Variants in RIMS1 observed in about 807,000 individuals in gnomAD.
The protein encoded by RIMS1 is regulating synaptic membrane exocytosis protein 1.
Under a neutral mutation model 214.1 loss-of-function variants are expected in RIMS1, and 83 were observed. The observed-to-expected ratio is 0.39, with a 90% CI of 0.32 to 0.47. The LOEUF (loss-of-function observed/expected upper bound fraction) is 0.47, where lower values mean the gene tolerates loss of function less well. Among genes scored for constraint, RIMS1 ranks in the 20% least tolerant of loss-of-function variants. RIMS1 has a pLI of 0.99. For synonymous variants in RIMS1, 793 were observed against 786.8 expected (o/e 1.01, Z -0.13); for missense variants, 2,050 against 2,161.8 (o/e 0.95, Z 1.03).
chr6:72,065,867 C>T lies in RIMS1; in HGVS notation c.246-31082C>T, dbSNP rs182903429. 9.6e-3 allele frequency among the ~76,000 whole-genome samples: 1,429 copies of T among 149,568 alleles called. 65 individuals are homozygous for T. The highest frequency in any genetic ancestry group is 0.081 in the Admixed American group (1,217 of 14,992). On this transcript the variant is annotated intron_variant, in intron 2 of 33. Transcript: ENST00000521978. Reference sequence around the variant, plus strand: ...ATATTTATAAAAGTTGAGAAATAATCGCTTGCAGAATAGAAATCATAAATA... The same window carrying T: ...ATATTTATAAAAGTTGAGAAATAATTGCTTGCAGAATAGAAATCATAAATA...
At chr6:72,189,701 G>T (rs1161473899) in intron 6 of RIMS1, among the ~76,000 whole-genome samples, 1 of 152,192 alleles carries the variant, frequency 6.6e-6, no homozygotes, top group African/African-American at 2.4e-5. Context: ...GTCAGCCTTG[G>T]TGAGTGGAAG....
chr6:72,195,146 A>G lies in RIMS1; in HGVS notation c.1678+11997A>G, dbSNP rs753268892. On this transcript the variant is annotated intron_variant, in intron 6 of 33. Transcript: ENST00000521978. ...GCCACTTATACTTAAGGAACTTAAT[A>G]TATAAATCCTAAGGCAGGGAGTTGG... 3.9e-5 allele frequency among the ~76,000 whole-genome samples: 6 copies of G among 152,210 alleles called. No individual in the cohort carries two copies. The South Asian group carries it at 8.3e-4, about 21-fold the overall frequency.
At position 72,172,808 on chromosome 6, in the gene RIMS1, G is replaced by T. The variant is rs191031497; in HGVS notation, c.472-6767G>T. ...ATCGCACTATGCATTTGATCAATTTGCCTTTTGTGTTGTTGCTGTTGTCTT... is the reference window on the plus strand; with the variant it reads ...ATCGCACTATGCATTTGATCAATTTTCCTTTTGTGTTGTTGCTGTTGTCTT... On this transcript the variant is annotated intron_variant, in intron 4 of 33. Coordinates refer to ENST00000521978, the MANE Select transcript of RIMS1 (RefSeq NM_014989.7). Among the ~76,000 whole-genome samples, 608 of 152,136 alleles carry T rather than the reference G, an allele frequency of 4.0e-3. 5 individuals are homozygous for T. The highest frequency in any genetic ancestry group is 4.3e-3 in the Non-Finnish European group (290 of 67,956).
At chr6:72,390,879 C>T in intron 30 of RIMS1, 143 bp downstream of exon 30, 1 of 895,528 alleles carries the variant, frequency 1.1e-6, no homozygotes, top group South Asian at 1.9e-5. Flanking sequence ...ACCCTGATGG[C>T]TTATAAGTAA....
At position 72,265,444 on chromosome 6, in the gene RIMS1, C is replaced by T. The variant is rs769791945; in HGVS notation, c.3249C>T (p.Ser1083=). 119 of 1,610,312 alleles carry T rather than the reference C, an allele frequency of 7.4e-5. No homozygotes were observed. Among genetic ancestry groups the T allele is most frequent in the Non-Finnish European group, 9.6e-5 (113 of 1,177,486 alleles). The change falls in exon 21 of 34, where the codon TCC becomes TCT. Residue 1083 remains serine, a synonymous_variant. Coordinates refer to ENST00000521978, the MANE Select transcript of RIMS1 (RefSeq NM_014989.7). The part of the protein sequence containing the change: ...KTKSVTRQDI[S]LHHECFNSTV... ...AATCAGTGACTAGACAGGACATTTC[C>T]CTTCATCATGAATGCTTTAACTCAA...
In RIMS1 at chr6:72,400,726, C is replaced by T. The variant is rs373988253; in HGVS notation, c.*12C>T. 4 of 1,565,654 alleles carry T rather than the reference C, an allele frequency of 2.6e-6. No homozygotes were observed. Among genetic ancestry groups the T allele is most frequent in the Non-Finnish European group, 3.5e-6 (4 of 1,139,256 alleles). On this transcript the variant is annotated 3_prime_UTR_variant, in exon 34 of 34. Transcript: ENST00000521978. ...GTATTCGATCATAGTGAACTCATAC[C>T]AGAGTCATTCCAATAAAACTCTACT...
rs901770870 is a variant in RIMS1 at position 72,005,882 on chromosome 6, A to G, written c.245+36819A>G. ...ACGAAACTGGAGTTCTATCAATGTAACACAACATATAGTAAATGGAAAGAC... is the reference window on the plus strand; with the variant it reads ...ACGAAACTGGAGTTCTATCAATGTAGCACAACATATAGTAAATGGAAAGAC... On this transcript the variant is annotated intron_variant, in intron 2 of 33. Coordinates refer to ENST00000521978, the MANE Select transcript of RIMS1 (RefSeq NM_014989.7). Among the ~76,000 whole-genome samples, 3 of 152,240 alleles carry G rather than the reference A, an allele frequency of 2.0e-5. No homozygotes were observed. The South Asian group carries it at 6.2e-4, about 31-fold the overall frequency.
intron 2 of RIMS1, among the ~76,000 whole-genome samples, chr6:71,976,758 T>C (rs1797241713): frequency 6.6e-6 from 1 of 152,186 alleles, no homozygotes; most frequent in Non-Finnish European, 1.5e-5. Flanking sequence ...CATTTTGAGA[T>C]AGTTTTTATA....
chr6:72,125,230 G>C (rs545690808), intron 4 of RIMS1, among the ~76,000 whole-genome samples: 1 of 152,298 alleles, frequency 6.6e-6, no homozygotes, highest in African/African-American at 2.4e-5. Flanking sequence ...CCTTCTAACA[G>C]TTGGGACCCT....
rs2073219243 is a variant in RIMS1, at chr6:72,251,382, C to A, written c.2698+14C>A. On this transcript the variant is annotated intron_variant, in intron 15 of 33. Coordinates refer to ENST00000521978, the MANE Select transcript of RIMS1 (RefSeq NM_014989.7). The stretch of plus-strand genomic sequence containing the variant: ...AAAAGCTACAAAGTAGGTTAAGGTC[C>A]TTTTAGTTGCCACAAAGTAATTATG... The A allele has an allele frequency of 5.2e-6, 8 of 1,548,936 alleles. No individual in the cohort carries two copies. In the South Asian group the frequency reaches 8.7e-5, roughly 17 times the overall value.
intron 2 of RIMS1, among the ~76,000 whole-genome samples, chr6:72,047,012 G>A (rs1449995386): frequency 6.6e-6 from 1 of 151,936 alleles, no homozygotes; most frequent in Admixed American, 6.6e-5. Flanking sequence ...TTCACTGTAG[G>A]AAGATTATGA....
intron 33 of RIMS1, 142 bp from the exon 34 acceptor site, chr6:72,400,354 C>T (rs2098826892): frequency 3.0e-6 from 2 of 672,698 alleles, no homozygotes; most frequent in Non-Finnish European, 5.3e-6. Context: ...TTATCTGTGC[C>T]TTCTCCTTGG....
At chr6:72,346,770 A>T (rs1175395279) in intron 29 of RIMS1, among the ~76,000 whole-genome samples, 3 of 151,808 alleles carry the variant, frequency 2.0e-5, no homozygotes, top group Admixed American at 2.0e-4. Flanking sequence ...GAGAAATCAA[A>T]TTTTTATGTC....
At chr6:72,310,974 A>C (rs1268067236) in intron 27 of RIMS1, among the ~76,000 whole-genome samples, 1 of 152,124 alleles carries the variant, frequency 6.6e-6, no homozygotes, top group Non-Finnish European at 1.5e-5. Context: ...GTATACAAAA[A>C]GGTTGAAGAA....
intron 1 of RIMS1, among the ~76,000 whole-genome samples, chr6:71,906,157 T>C (rs1244151364): frequency 6.6e-6 from 1 of 152,170 alleles, no homozygotes; most frequent in Non-Finnish European, 1.5e-5. Context: ...AATGACTGTC[T>C]AGGGAGTGTC....
chr6:72,166,709 C>T, intron 4 of RIMS1, among the ~76,000 whole-genome samples: 1 of 13,846 alleles, frequency 7.2e-5, no homozygotes. Context: ...GATCCCGTCT[C>T]TATTTTAAAA....
intron 2 of RIMS1, among the ~76,000 whole-genome samples, chr6:72,079,813 G>A (rs112940059): frequency 3.3e-5 from 5 of 152,012 alleles, no homozygotes; most frequent in African/African-American, 1.2e-4. Flanking sequence ...TGAGCCAGGC[G>A]ATTGAGGCTA....
chr6:72,198,076 C>A (rs1191843107), intron 6 of RIMS1, among the ~76,000 whole-genome samples: 1 of 152,012 alleles, frequency 6.6e-6, no homozygotes, highest in African/African-American at 2.4e-5. Context: ...ATAGAACAAC[C>A]ATATAATCCA....
chr6:72,308,479 A>G (rs1368635956), intron 27 of RIMS1, among the ~76,000 whole-genome samples: 1 of 152,170 alleles, frequency 6.6e-6, no homozygotes, highest in Non-Finnish European at 1.5e-5. Context: ...ACTACACTAA[A>G]TTAATATTAT....
Sources: allele counts gnomAD v4.1 joint callset (sites outside exome capture counted in the v4.1 genomes callset), GRCh38; gene constraint gnomAD v4.1.1; transcripts MANE v1.5; gene names NCBI Gene and HGNC (gene_info 2026-07-23, HGNC 2026-07-21).